Variants in POU6F2 observed in about 807,000 individuals in gnomAD.
The protein encoded by POU6F2 is POU class 6 homeobox 2.
POU6F2 carries 31 observed loss-of-function variants against 71.3 expected under a neutral mutation model. The observed-to-expected ratio is 0.43, with a 90% CI of 0.33 to 0.59. The LOEUF (loss-of-function observed/expected upper bound fraction) is 0.59. Ranked by LOEUF, POU6F2 falls within the 20% of genes least tolerant of loss-of-function variation. The pLI is 0.04. For missense variants in POU6F2, 783 were observed against 856.8 expected (o/e 0.91, Z 1.07); for synonymous variants, 347 against 355.7 (o/e 0.98, Z 0.27).
chr7:39,215,200 C>T (rs1794215518), intron 4 of POU6F2, among the ~76,000 whole-genome samples: 1 of 152,094 alleles, frequency 6.6e-6, no homozygotes, highest in Non-Finnish European at 1.5e-5. Context: ...CAAAATTTAG[C>T]AGGACATCAT....
intron 5 of POU6F2, among the ~76,000 whole-genome samples, chr7:39,344,083 A>G (rs1481757803): frequency 6.6e-6 from 1 of 152,176 alleles, no homozygotes; most frequent in Non-Finnish European, 1.5e-5. Context: ...ACACCTATAC[A>G]TTAGAGAAGC....
intron 5 of POU6F2, among the ~76,000 whole-genome samples, chr7:39,390,310 C>T (rs936232171): frequency 6.6e-6 from 1 of 152,100 alleles, no homozygotes; most frequent in Non-Finnish European, 1.5e-5. Context: ...GCAGAAGATT[C>T]GCTTGAAAGG....
chr7:39,316,517 G>A, intron 4 of POU6F2, among the ~76,000 whole-genome samples: 1 of 152,290 alleles, frequency 6.6e-6, no homozygotes, highest in East Asian at 1.9e-4. Flanking sequence ...TGATTGCAGT[G>A]TGAGTGAGTC....
At chr7:39,366,103 T>C (rs1786494458) in intron 5 of POU6F2, among the ~76,000 whole-genome samples, 1 of 152,160 alleles carries the variant, frequency 6.6e-6, no homozygotes, top group South Asian at 2.1e-4. Context: ...GGTTAAAGAA[T>C]TGTTTAACCA....
At chr7:39,427,738 G>A (rs977951039) in intron 6 of POU6F2, among the ~76,000 whole-genome samples, 1 of 152,206 alleles carries the variant, frequency 6.6e-6, no homozygotes, top group Admixed American at 6.5e-5. Flanking sequence ...AGCATTGATA[G>A]GTCTCCTTTT....
At chr7:39,245,560 G>A (rs951281866) in intron 4 of POU6F2, among the ~76,000 whole-genome samples, 1 of 152,156 alleles carries the variant, frequency 6.6e-6, no homozygotes, top group African/African-American at 2.4e-5. Context: ...ATTAAGAAGA[G>A]GCTCCTGTCT....
At chr7:39,048,891 C>A (rs1032986260) in intron 1 of POU6F2, among the ~76,000 whole-genome samples, 23 of 151,934 alleles carry the variant, frequency 1.5e-4, no homozygotes, top group African/African-American at 5.6e-4. Flanking sequence ...GAGATGGTAT[C>A]TCATATCTAT....
intron 7 of POU6F2, among the ~76,000 whole-genome samples, chr7:39,434,343 T>C (rs891198710): frequency 6.6e-6 from 1 of 152,062 alleles, no homozygotes; most frequent in African/African-American, 2.4e-5. Context: ...GGATGGACTT[T>C]TTCTCTGTGG....
chr7:39,376,367 G>A (rs974917660), intron 5 of POU6F2, among the ~76,000 whole-genome samples: 3 of 152,174 alleles, frequency 2.0e-5, no homozygotes, highest in African/African-American at 7.2e-5. Flanking sequence ...AAAATAAACT[G>A]TGTTGGAGGA....
At chr7:39,286,480 G>A (rs944722171) in intron 4 of POU6F2, among the ~76,000 whole-genome samples, 10 of 152,150 alleles carry the variant, frequency 6.6e-5, no homozygotes, top group African/African-American at 1.4e-4. Context: ...TAAAATGTTC[G>A]AGTTACCCGT....
rs991291273 is a variant in POU6F2 at position 39,303,426 on chromosome 7, C to T, written c.599-36216C>T. ...GCTCCCAAAGTGCTGGGATTACAGG[C>T]GTGAGACACCACGCCCAGCCCTGCT... On this transcript the variant is annotated intron_variant, in intron 4 of 9. Transcript: ENST00000518318. 5.9e-5 allele frequency among the ~76,000 whole-genome samples: 9 copies of T among 152,316 alleles called. No individual in the cohort carries two copies. The East Asian group carries it at 7.7e-4, about 13-fold the overall frequency.
chr7:39,107,931 A>G (rs1389473705), intron 2 of POU6F2, among the ~76,000 whole-genome samples: 1 of 152,220 alleles, frequency 6.6e-6, no homozygotes, highest in Non-Finnish European at 1.5e-5. Context: ...ACCCAAGTGG[A>G]AACAGCAGAG....
intron 2 of POU6F2, among the ~76,000 whole-genome samples, chr7:39,152,874 T>G (rs1792790374): frequency 6.6e-6 from 1 of 152,214 alleles, no homozygotes; most frequent in Admixed American, 6.5e-5. Flanking sequence ...TGATAAAATG[T>G]ATCTTTCAAA....
chr7:39,114,150 C>T (rs993248455), intron 2 of POU6F2, among the ~76,000 whole-genome samples: 5 of 152,170 alleles, frequency 3.3e-5, no homozygotes, highest in Non-Finnish European at 7.3e-5. Flanking sequence ...AGATTACACA[C>T]ATACAAATAA....
intron 2 of POU6F2, among the ~76,000 whole-genome samples, chr7:39,119,187 A>G (rs761436655): frequency 2.0e-5 from 3 of 152,196 alleles, no homozygotes; most frequent in Non-Finnish European, 4.4e-5. Context: ...ACAGCAACCA[A>G]TCCTGTTAGG....
intron 7 of POU6F2, among the ~76,000 whole-genome samples, chr7:39,436,536 G>A (rs1334649323): frequency 7.5e-6 from 1 of 133,072 alleles, no homozygotes; most frequent in Non-Finnish European, 1.6e-5. Flanking sequence ...AGACGATGGG[G>A]TTTTCTAAAT....
intron 6 of POU6F2, among the ~76,000 whole-genome samples, chr7:39,416,272 A>G (rs1472962686): frequency 2.0e-5 from 3 of 152,106 alleles, no homozygotes; most frequent in Non-Finnish European, 4.4e-5. Flanking sequence ...AAGCAATGAG[A>G]CATTCTTGAA....
intron 2 of POU6F2, among the ~76,000 whole-genome samples, chr7:39,180,383 G>A (rs1442103588): frequency 1.3e-5 from 2 of 152,102 alleles, no homozygotes; most frequent in African/African-American, 4.8e-5. Context: ...AAAGACAATA[G>A]AGGAATTATT....
At chr7:39,380,673 T>C (rs1385477430) in intron 5 of POU6F2, among the ~76,000 whole-genome samples, 1 of 152,236 alleles carries the variant, frequency 6.6e-6, no homozygotes, top group Non-Finnish European at 1.5e-5. Flanking sequence ...TATTAGCACA[T>C]ATCCATTTCT....
Sources: gnomAD v4.1 joint callset for allele counts (sites outside exome capture counted in the v4.1 genomes callset) on GRCh38, gnomAD v4.1.1 for gene constraint, MANE v1.5 for transcripts, NCBI Gene and HGNC (gene_info 2026-07-23, HGNC 2026-07-21) for gene names.